The following MAPK14 variants were observed in gnomAD, a reference collection of about 807,000 sequenced individuals.
MAPK14 encodes the protein mitogen-activated protein kinase 14.
A neutral mutation model predicts 49.6 loss-of-function variants in MAPK14; 16 were observed. The ratio of observed to expected loss-of-function variants is 0.32; its 90% CI spans 0.22 to 0.49. The LOEUF is 0.49. Ranked by LOEUF, MAPK14 falls within the 20% of genes least tolerant of loss-of-function variation. The probability of loss-of-function intolerance (pLI) is 0.99; values close to 1 mark genes in which losing one functional copy is unlikely to be tolerated. For synonymous variants in MAPK14, 142 were observed against 158.0 expected, an observed-to-expected ratio of 0.90 and a Z score of 0.76; for missense variants, 200 against 441.2, an observed-to-expected ratio of 0.45 and a Z score of 4.90.
intron 3 of MAPK14, among the ~76,000 whole-genome samples, chr6:36,063,869 T>C (rs766941169): frequency 2.6e-5 from 4 of 152,208 alleles, no homozygotes; most frequent in Non-Finnish European, 5.9e-5. Context: ...TCTAGATCTC[T>C]TAAATGACTG....
At chr6:36,074,776 C>T (rs1013441167) in intron 6 of MAPK14, among the ~76,000 whole-genome samples, 13 of 151,760 alleles carry the variant, frequency 8.6e-5, no homozygotes, top group African/African-American at 1.7e-4. Flanking sequence ...CCATCACACC[C>T]GGCTAATTTT....
At chr6:36,088,705 G>C (rs1409230726) in intron 8 of MAPK14, among the ~76,000 whole-genome samples, 1 of 148,304 alleles carries the variant, frequency 6.7e-6, no homozygotes, top group African/African-American at 2.5e-5. Context: ...CTGGGCGACA[G>C]AGCGAGACTC....
At chr6:36,115,969 C>T (rs1340518632), downstream of MAPK14, among the ~76,000 whole-genome samples, 2 of 149,654 alleles carry the variant, frequency 1.3e-5, no homozygotes, top group African/African-American at 2.5e-5. Context: ...GTTATCTGGG[C>T]ATGGTGGCAC....
downstream of MAPK14, among the ~76,000 whole-genome samples, chr6:36,112,930 C>T (rs1442153878): frequency 6.6e-6 from 1 of 152,110 alleles, no homozygotes; most frequent in African/African-American, 2.4e-5. Context: ...AATACATTGG[C>T]TTCAGGTACT....
intron 6 of MAPK14, among the ~76,000 whole-genome samples, chr6:36,074,835 C>T (rs1250612544): frequency 2.0e-5 from 3 of 151,492 alleles, no homozygotes; most frequent in South Asian, 4.2e-4. Context: ...AGGATGGTGT[C>T]GATCTCCTGA....
chr6:36,111,188 T>C lies in MAPK14; in HGVS notation c.*2741T>C, dbSNP rs1765964333. 1 of 152,116 alleles carries C rather than the reference T, an allele frequency of 6.6e-6. No homozygotes were observed. The highest frequency in any genetic ancestry group is 2.4e-5 in the African/African-American group (1 of 41,410). The allele number at this position is 152,116 out of a possible 1,614,324, so 9.4% of individuals were successfully genotyped here. The stretch of plus-strand genomic sequence containing the variant: ...ATTTTGTAGCATGTGATGTAAGTAA[T>C]GTAAAACTTAAATTCCAGTATCCAT... On this transcript the variant is annotated 3_prime_UTR_variant, in exon 12 of 12. Transcript: ENST00000229794.
intron 9 of MAPK14, chr6:36,097,338 G>A (rs1765479436): frequency 6.6e-6 from 1 of 152,234 alleles, no homozygotes; most frequent in Middle Eastern, 3.2e-3. Flanking sequence ...ATAATCCCAT[G>A]TGATTACACA....
chr6:36,059,168 G>A (rs1235823020), intron 2 of MAPK14, 121 bp from the exon 3 acceptor site: 2 of 595,458 alleles, frequency 3.4e-6, no homozygotes, highest in Non-Finnish European at 5.7e-6. Context: ...GGGATTACAG[G>A]CGTGAGCCAC....
At position 36,105,743 on chromosome 6, in the gene MAPK14, A is replaced by G. The variant is rs1765779334; in HGVS notation, c.842-1712A>G. On this transcript the variant is annotated intron_variant, in intron 10 of 11. Coordinates refer to ENST00000229794, the MANE Select transcript of MAPK14 (RefSeq NM_139012.3). ...TAGGACGGGTGTTTTACAGCCTCCA[A>G]TATACACAGCAGTAGATCTCTATAG... Among the ~76,000 whole-genome samples the G allele has an allele frequency of 2.0e-5, 3 of 152,196 alleles. 1 individual carries two copies. In the South Asian group the frequency reaches 6.2e-4, roughly 32 times the overall value.
chr6:36,077,631 A>G (rs1020481297), intron 8 of MAPK14, among the ~76,000 whole-genome samples: 4 of 152,154 alleles, frequency 2.6e-5, no homozygotes, highest in African/African-American at 9.7e-5. Context: ...GCTAGAGAGA[A>G]TGTACTTTCA....
chr6:36,119,443 A>G, the MAPK14 span, among the ~76,000 whole-genome samples: 2 of 152,226 alleles, frequency 1.3e-5, no homozygotes, highest in African/African-American at 2.4e-5. Flanking sequence ...TCGTATGTCA[A>G]CAAGGAACAG....
chr6:36,086,113 A>G (rs1764975757), intron 8 of MAPK14, among the ~76,000 whole-genome samples: 1 of 152,232 alleles, frequency 6.6e-6, no homozygotes, highest in Admixed American at 6.5e-5. Context: ...ACCAATGAGA[A>G]CAAAGAGAAC....
At chr6:36,076,394 T>G in intron 7 of MAPK14, 143 bp from the exon 8 acceptor site, 1 of 665,720 alleles carries the variant, frequency 1.5e-6, no homozygotes, top group South Asian at 1.9e-5. Context: ...GCTATTTATT[T>G]CTGTAAAAAT....
At chr6:36,085,437 C>T (rs1440719019) in intron 8 of MAPK14, among the ~76,000 whole-genome samples, 2 of 152,070 alleles carry the variant, frequency 1.3e-5, no homozygotes, top group Non-Finnish European at 2.9e-5. Context: ...ATCTAACATG[C>T]AAAGACATAC....
intron 2 of MAPK14, among the ~76,000 whole-genome samples, chr6:36,055,791 A>G (rs1763569695): frequency 6.6e-6 from 1 of 151,634 alleles, no homozygotes; most frequent in South Asian, 2.1e-4. Context: ...AAAAAAAAAA[A>G]GAAATGAGAA....
intron 1 of MAPK14, among the ~76,000 whole-genome samples, chr6:36,038,946 A>G (rs984265657): frequency 2.0e-5 from 3 of 152,170 alleles, no homozygotes; most frequent in Non-Finnish European, 4.4e-5. Context: ...ACAGTTAAAC[A>G]TTTAAGTTTT....
downstream of MAPK14, among the ~76,000 whole-genome samples, chr6:36,111,809 G>A (rs1022393505): frequency 2.0e-5 from 3 of 152,132 alleles, no homozygotes; most frequent in South Asian, 2.1e-4. Flanking sequence ...GGCAGTGATC[G>A]AAGGCAGACC....
chr6:36,079,388 G>A (rs1764656524), intron 8 of MAPK14, among the ~76,000 whole-genome samples: 1 of 152,114 alleles, frequency 6.6e-6, no homozygotes, highest in South Asian at 2.1e-4. Context: ...ATATTTAAAT[G>A]CAACCTCTAG....
chr6:36,061,339 A>G (rs1167045993), intron 3 of MAPK14, among the ~76,000 whole-genome samples: 1 of 152,140 alleles, frequency 6.6e-6, no homozygotes, highest in East Asian at 1.9e-4. Context: ...AAAAGACCTT[A>G]ATTAAGGCCA....
Sources: allele counts gnomAD v4.1 joint callset (sites outside exome capture counted in the v4.1 genomes callset), GRCh38; gene constraint gnomAD v4.1.1; transcripts MANE v1.5; gene names NCBI Gene and HGNC (gene_info 2026-07-23, HGNC 2026-07-21).